Variants in RBM33 observed in about 807,000 individuals in gnomAD.
The protein encoded by RBM33 is RNA binding motif protein 33.
Under a neutral mutation model 132.6 loss-of-function variants are expected in RBM33, and 28 were observed. The ratio of observed to expected loss-of-function variants is 0.21; its 90% CI spans 0.16 to 0.29. The LOEUF (loss-of-function observed/expected upper bound fraction) is 0.29, where lower values mean the gene tolerates loss of function less well. RBM33 is among the 10% of genes least tolerant of loss of function. RBM33 has a pLI of 1.00. For missense variants in RBM33, 1,291 were observed against 1,518.5 expected, an observed-to-expected ratio of 0.85 and a Z score of 2.49; for synonymous variants, 634 against 593.0, an observed-to-expected ratio of 1.07 and a Z score of -1.01.
intron 14 of RBM33, among the ~76,000 whole-genome samples, chr7:155,749,803 A>T (rs1327633393): frequency 6.6e-6 from 1 of 152,220 alleles, no homozygotes; most frequent in Non-Finnish European, 1.5e-5. Context: ...CTGGCCCAGG[A>T]AAGGGAGTGC....
chr7:155,673,215 A>C (rs1166880845), intron 3 of RBM33, among the ~76,000 whole-genome samples: 1 of 152,156 alleles, frequency 6.6e-6, no homozygotes, highest in Non-Finnish European at 1.5e-5. Context: ...ACAGAAAGTC[A>C]CATTTGGAGG....
chr7:155,650,821 G>A (rs945758808), intron 1 of RBM33, among the ~76,000 whole-genome samples: 3 of 152,158 alleles, frequency 2.0e-5, no homozygotes, highest in Admixed American at 6.5e-5. Flanking sequence ...TTTATGTTCA[G>A]ATTTCCACAT....
intron 5 of RBM33, 87 bp downstream of exon 5, chr7:155,680,995 C>G: frequency 2.8e-6 from 3 of 1,090,774 alleles, no homozygotes; most frequent in Non-Finnish European, 3.9e-6. Context: ...ATTTACCTCC[C>G]CTGGGAGGGA....
intron 9 of RBM33, among the ~76,000 whole-genome samples, chr7:155,730,723 T>C (rs898472235): frequency 2.0e-5 from 3 of 152,238 alleles, no homozygotes; most frequent in African/African-American, 7.2e-5. Context: ...TAAAGGCTTT[T>C]ATTTTCCACT....
At chr7:155,758,482 A>G (rs1180468831) in intron 14 of RBM33, among the ~76,000 whole-genome samples, 2 of 152,120 alleles carry the variant, frequency 1.3e-5, no homozygotes, top group Non-Finnish European at 2.9e-5. Flanking sequence ...AGTAGGATTC[A>G]TGCTCCCGTG....
At chr7:155,695,484 G>A (rs1213426451) in intron 5 of RBM33, among the ~76,000 whole-genome samples, 2 of 152,032 alleles carry the variant, frequency 1.3e-5, no homozygotes, top group Non-Finnish European at 1.5e-5. Context: ...CTTTGAGACA[G>A]AGTCTCACTC....
intron 13 of RBM33, 139 bp from the exon 14 acceptor site, chr7:155,744,822 C>A: frequency 1.2e-6 from 1 of 849,650 alleles, no homozygotes; most frequent in Non-Finnish European, 1.7e-6. Flanking sequence ...TACTTAAAGT[C>A]TTCAAACAGA....
In RBM33 at chr7:155,673,948, T is replaced by TGTTTTTG. The variant is rs1563138371; in HGVS notation, c.171+1033_171+1034insGTTTTTG. On this transcript the variant is annotated intron_variant, in intron 3 of 17. Coordinates refer to ENST00000401878, the MANE Select transcript of RBM33 (RefSeq NM_053043.3). ...AAGATAGTTTAGGCTTAGTTTTTTT[T>TGTTTTTG]TTTTTTTTTTTTTTTTTTTTTTTTG... is the stretch of plus-strand genomic sequence containing the variant. Among the ~76,000 whole-genome samples the TGTTTTTG allele has an allele frequency of 2.4e-4, 25 of 104,552 alleles. 1 individual carries two copies. The highest frequency in any genetic ancestry group is 2.8e-4 in the Admixed American group (3 of 10,740). The allele number at this position is 104,552 out of a possible 152,430, so 68.6% of individuals were successfully genotyped here.
chr7:155,742,307 A>ATT (rs201689933), intron 13 of RBM33, among the ~76,000 whole-genome samples: 1 of 150,128 alleles, frequency 6.7e-6, no homozygotes, highest in African/African-American at 2.5e-5. Flanking sequence ...ATTAGAGTTT[A>ATT]TATATTTGTA....
In RBM33 at chr7:155,766,778, T is replaced by G. The variant is rs1802235154; in HGVS notation, c.3375+123T>G. The stretch of plus-strand genomic sequence containing the variant: ...TCATATTAAAATAATACTTGGGAAG[T>G]AAGACAAATAACCTGTTGTGCATAC... On this transcript the variant is annotated intron_variant, in intron 16 of 17. Transcript: ENST00000401878. 5 of 928,486 alleles carry G rather than the reference T, an allele frequency of 5.4e-6. No homozygotes were observed. The Admixed American group carries it at 7.4e-5, about 14-fold the overall frequency. 57.5% of individuals were successfully genotyped at this position (928,486 alleles called of 1,614,324 possible).
intron 5 of RBM33, among the ~76,000 whole-genome samples, chr7:155,683,672 G>T (rs1563142646): frequency 6.6e-6 from 1 of 152,184 alleles, no homozygotes; most frequent in Non-Finnish European, 1.5e-5. Context: ...TCTTGAGAGT[G>T]AATTGTGATT....
chr7:155,680,586 C>A lies in RBM33; in HGVS notation c.249-4C>A. ...CTTTTTTTTTTTATTTTCGTCCTCT[C>A]TAGTTCTCAGGGTGTTACAATTAGT... is the stretch of plus-strand genomic sequence containing the variant. On this transcript the variant is annotated splice_region_variant and splice_polypyrimidine_tract_variant and intron_variant, in intron 4 of 17. Coordinates refer to ENST00000401878, the MANE Select transcript of RBM33 (RefSeq NM_053043.3). The A allele has an allele frequency of 1.3e-6, 2 of 1,572,976 alleles. No homozygotes were observed. Among genetic ancestry groups the A allele is most frequent in the South Asian group, 1.2e-5 (1 of 86,870 alleles).
At chr7:155,670,370 C>T (rs1798912767) in intron 2 of RBM33, among the ~76,000 whole-genome samples, 1 of 152,174 alleles carries the variant, frequency 6.6e-6, no homozygotes, top group Admixed American at 6.5e-5. Flanking sequence ...AGATGGAGAC[C>T]AGTCATTTCC....
intron 3 of RBM33, among the ~76,000 whole-genome samples, chr7:155,673,941 T>TTGTTGTTTTTTTTTTG (rs796928438): frequency 6.8e-4 from 29 of 42,518 alleles, no homozygotes; most frequent in African/African-American, 4.2e-3. Context: ...TTAGGCTTAG[T>TTGTTGTTTTTTTTTTG]TTTTTTTTTT....
At chr7:155,695,245 C>A (rs1417137795) in intron 5 of RBM33, among the ~76,000 whole-genome samples, 13 of 151,948 alleles carry the variant, frequency 8.6e-5, no homozygotes, top group African/African-American at 3.1e-4. Context: ...TCTATATATG[C>A]TATATATATC....
chr7:155,693,408 T>C (rs983856267), intron 5 of RBM33, among the ~76,000 whole-genome samples: 3 of 151,962 alleles, frequency 2.0e-5, no homozygotes, highest in Non-Finnish European at 4.4e-5. Context: ...TGAATCTTTC[T>C]AGCAGAAAGT....
intron 9 of RBM33, among the ~76,000 whole-genome samples, chr7:155,730,148 A>T (rs1304724004): frequency 6.6e-6 from 1 of 152,242 alleles, no homozygotes; most frequent in African/African-American, 2.4e-5. Flanking sequence ...ATTGATGTGT[A>T]AGACAGGCCT....
chr7:155,753,353 G>T (rs1801743683), intron 14 of RBM33, among the ~76,000 whole-genome samples: 1 of 152,234 alleles, frequency 6.6e-6, no homozygotes. Context: ...TGGCAAATCT[G>T]CAGTGGTAAC....
chr7:155,739,797 C>G lies in RBM33; in HGVS notation c.1820C>G (p.Pro607Arg). ...PQQQPPPQHQ[P>R]PHQPPHQPPP... is the part of the protein sequence containing the mutation. ...CAACAGCCCCCGCCACAGCACCAGC[C>G]TCCGCACCAGCCCCCGCACCAGCCC... Residue 607 changes from proline to arginine, a missense_variant, in exon 12 of 18, where the codon CCT (proline) becomes CGT (arginine). Pro to Arg is a moderately radical substitution (Grantham distance 103). Around this residue, in one of 7 missense-constraint regions of RBM33, gnomAD observed 841 missense variants for 912.0 expected, o/e 0.92. Coordinates refer to ENST00000401878, the MANE Select transcript of RBM33 (RefSeq NM_053043.3). 1 of 1,515,242 alleles carries G rather than the reference C, an allele frequency of 6.6e-7. No homozygotes were observed. The highest frequency in any genetic ancestry group is 8.9e-7 in the Non-Finnish European group (1 of 1,120,702). 93.9% of individuals were successfully genotyped at this position (1,515,242 alleles called of 1,614,324 possible). A position where few individuals can be genotyped will look rare whatever the true frequency, so the allele number is the denominator to read the frequency against.
Sources: gnomAD v4.1 joint callset for allele counts (sites outside exome capture counted in the v4.1 genomes callset) on GRCh38, gnomAD v4.1.1 for gene constraint, gnomAD v4.1.1 regional missense constraint, MANE v1.5 for transcripts, NCBI Gene and HGNC (gene_info 2026-07-23, HGNC 2026-07-21) for gene names.